NRDE2: variants seen among roughly 807,000 people sequenced by gnomAD.
NRDE2 encodes nuclear exosome regulator NRDE2.
Under a neutral mutation model 124.2 loss-of-function variants are expected in NRDE2, and 76 were observed. That is an observed-to-expected ratio of 0.61 (90% CI 0.51 to 0.74). NRDE2 has a LOEUF of 0.74. NRDE2 is among the 30% of genes least tolerant of loss of function. The probability of loss-of-function intolerance (pLI) is 0.00; values close to 1 mark genes in which losing one functional copy is unlikely to be tolerated. For missense variants in NRDE2, 1,314 were observed against 1,417.3 expected, an observed-to-expected ratio of 0.93 and a Z score of 1.17; for synonymous variants, 489 against 528.1, an observed-to-expected ratio of 0.93 and a Z score of 1.01.
chr14:90,331,873 C>G lies in NRDE2; in HGVS notation c.32G>C (p.Ser11Thr). The change falls in exon 1 of 14, where the codon AGT becomes ACT. Residue 11 changes from serine (S) to threonine (T), a missense_variant. Ser to Thr is a moderately conservative substitution (Grantham distance 58). Transcript: ENST00000354366. The stretch of plus-strand genomic sequence containing the variant: ...GGAGCTCCCGCCATCGGGAGCCTCA[C>G]TAAGCCCCGCAAAGGCTGGGAACAG... MALFPAFAGL[S>T]EAPDGGSSRK... The G allele has an allele frequency of 6.2e-7, 1 of 1,614,164 alleles. No individual in the cohort carries two copies. The highest frequency in any genetic ancestry group is 8.5e-7 in the Non-Finnish European group (1 of 1,180,046).
intron 5 of NRDE2, 142 bp from the exon 6 acceptor site, chr14:90,303,267 G>A (rs1383318112): frequency 7.1e-6 from 5 of 707,034 alleles, no homozygotes; most frequent in Non-Finnish European, 1.1e-5. Flanking sequence ...AAGAAAACCT[G>A]GATCCTAAAG....
intron 3 of NRDE2, among the ~76,000 whole-genome samples, chr14:90,316,064 C>A (rs923634811): frequency 6.6e-6 from 1 of 151,422 alleles, no homozygotes; most frequent in Admixed American, 6.6e-5. Context: ...CCACTGCCTT[C>A]GACATAGTGG....
At position 90,269,743 on chromosome 14, in the gene NRDE2, T is replaced by G; in HGVS notation, c.*8593A>C. 2.0e-6 allele frequency: 1 copy of G among 497,286 alleles called. No individual in the cohort carries two copies. The highest frequency in any genetic ancestry group is 2.0e-5 in the African/African-American group (1 of 50,748). The allele number at this position is 497,286 out of a possible 1,614,324, so 30.8% of individuals were successfully genotyped here. ...TGATATGGTCTGTGCACCTTGGCCC[T>G]TTGAATTCCAGTCTTATGTCTTGTC... On this transcript the variant is annotated 3_prime_UTR_variant, in exon 14 of 14. Coordinates refer to ENST00000354366, the MANE Select transcript of NRDE2 (RefSeq NM_017970.4).
chr14:90,310,287 T>C (rs1372891675), intron 4 of NRDE2, among the ~76,000 whole-genome samples: 2 of 152,140 alleles, frequency 1.3e-5, no homozygotes, highest in Non-Finnish European at 2.9e-5. Context: ...ACATTTGAAA[T>C]GTGAAGTCAA....
chr14:90,302,634 T>C (rs989771938), intron 6 of NRDE2, 86 bp downstream of exon 6: 28 of 1,327,048 alleles, frequency 2.1e-5, no homozygotes, highest in Non-Finnish European at 2.6e-5. Flanking sequence ...TTTTCTAGAA[T>C]AAATCAAAAA....
chr14:90,329,973 A>G lies in NRDE2; in HGVS notation c.64+1868T>C, dbSNP rs921874797. The stretch of plus-strand genomic sequence containing the variant: ...TGTAATCCCAGCACTTTGGGAGGCT[A>G]TGGTGGGCGAATCACTTAAAGTTAG... On this transcript the variant is annotated intron_variant, in intron 1 of 13. Coordinates refer to ENST00000354366, the MANE Select transcript of NRDE2 (RefSeq NM_017970.4). Among the ~76,000 whole-genome samples the G allele has an allele frequency of 3.9e-4, 59 of 151,616 alleles. No individual in the cohort carries two copies. The East Asian group carries it at 5.1e-3, about 13-fold the overall frequency.
Position 90,301,328 on chromosome 14 carries a change from A to G in NRDE2, c.1456T>C (p.Ser486Pro). The G allele has an allele frequency of 6.2e-7, 1 of 1,613,802 alleles. No individual in the cohort carries two copies. Among genetic ancestry groups the G allele is most frequent in the Non-Finnish European group, 8.5e-7 (1 of 1,179,912 alleles). The stretch of plus-strand genomic sequence containing the variant: ...TGGAACAATGAGATGGCCTTCTCAG[A>G]GTGGCCAGCCTGCCGCAGAAAGTGG... ...QCHFLRQAGH[S>P]EKAISLFQAM... The change falls in exon 7 of 14, where the codon TCT becomes CCT. Residue 486 changes from serine to proline, a missense_variant. Transcript: ENST00000354366.
Position 90,288,817 on chromosome 14 carries a change from A to G in NRDE2, c.2558T>C (p.Leu853Pro). 2 of 1,614,134 alleles carry G rather than the reference A, an allele frequency of 1.2e-6. No homozygotes were observed. The highest frequency in any genetic ancestry group is 1.7e-6 in the Non-Finnish European group (2 of 1,180,030). ...GGGCCCATAGGGGCTGCTCTCAGTC[A>G]GCTTGGTTAATATGTGAACAGCTCG... Reference protein sequence around the residue: ...TARAVHILTKLTESSPYGPYT... With the variant: ...TARAVHILTKPTESSPYGPYT... The change falls in exon 11 of 14, where the codon CTG becomes CCG. Residue 853 changes from leucine to proline, a missense_variant. By Grantham distance (98) the Leu-to-Pro change is moderately conservative (BLOSUM62 -3). Transcript: ENST00000354366.
intron 1 of NRDE2, among the ~76,000 whole-genome samples, chr14:90,319,289 A>G (rs1885159860): frequency 6.6e-6 from 1 of 152,196 alleles, no homozygotes; most frequent in African/African-American, 2.4e-5. Context: ...TGAAGGTACA[A>G]AAGAGGAGGG....
At chr14:90,314,432 T>G (rs557114497) in intron 3 of NRDE2, among the ~76,000 whole-genome samples, 1 of 152,328 alleles carries the variant, frequency 6.6e-6, no homozygotes, top group Non-Finnish European at 1.5e-5. Flanking sequence ...AATAAGGATA[T>G]TCTATAAAAT....
intron 4 of NRDE2, among the ~76,000 whole-genome samples, chr14:90,310,322 C>T (rs1003501953): frequency 2.0e-5 from 3 of 152,182 alleles, no homozygotes; most frequent in African/African-American, 7.2e-5. Flanking sequence ...AAATCCCAAC[C>T]TTGCTGCTGC....
intron 4 of NRDE2, among the ~76,000 whole-genome samples, chr14:90,307,650 C>T (rs140107233): frequency 1.2e-4 from 19 of 152,158 alleles, no homozygotes; most frequent in South Asian, 8.3e-4. Context: ...CCAAGGTGGG[C>T]GGATCACAAG....
Position 90,269,301 on chromosome 14 carries a change from G to T in NRDE2, c.*9035C>A. On this transcript the variant is annotated 3_prime_UTR_variant, in exon 14 of 14. Transcript: ENST00000354366. ...CATGTGAGTTGAAACAGGAATGTTTGTTAAGGTGTTTTGTCACAATGAGGT... is the reference window on the plus strand; with the variant it reads ...CATGTGAGTTGAAACAGGAATGTTTTTTAAGGTGTTTTGTCACAATGAGGT... The T allele has an allele frequency of 9.2e-7, 1 of 1,088,650 alleles. No homozygotes were observed. The highest frequency in any genetic ancestry group is 1.3e-6 in the Non-Finnish European group (1 of 763,466). The allele number at this position is 1,088,650 out of a possible 1,614,324, so 67.4% of individuals were successfully genotyped here. A position where few individuals can be genotyped will look rare whatever the true frequency, so the allele number is the denominator to read the frequency against.
rs1885722681 is a variant in NRDE2 at position 90,331,881 on chromosome 14, C to G, written c.24G>C (p.Ala8=). 6.2e-7 allele frequency: 1 copy of G among 1,614,148 alleles called. No individual in the cohort carries two copies. Among genetic ancestry groups the G allele is most frequent in the Non-Finnish European group, 8.5e-7 (1 of 1,180,048 alleles). Reference sequence around the variant, plus strand: ...CGCCATCGGGAGCCTCACTAAGCCCCGCAAAGGCTGGGAACAGCGCCATGA... The same window carrying G: ...CGCCATCGGGAGCCTCACTAAGCCCGGCAAAGGCTGGGAACAGCGCCATGA... MALFPAF[A]GLSEAPDGGS... The change falls in exon 1 of 14, where the codon GCG becomes GCC. Residue 8 remains alanine, a synonymous_variant. Coordinates refer to ENST00000354366, the MANE Select transcript of NRDE2 (RefSeq NM_017970.4).
intron 3 of NRDE2, 122 bp from the exon 4 acceptor site, chr14:90,312,665 C>T: frequency 1.2e-6 from 1 of 867,494 alleles, no homozygotes; most frequent in Non-Finnish European, 1.9e-6. Flanking sequence ...TCAAACACAC[C>T]TAAGCACATT....
At chr14:90,288,002 G>A (rs978339035) in intron 11 of NRDE2, among the ~76,000 whole-genome samples, 4 of 152,116 alleles carry the variant, frequency 2.6e-5, no homozygotes, top group African/African-American at 9.7e-5. Context: ...ACACCCAGGC[G>A]ACAGCCACCA....
chr14:90,320,553 T>C (rs1885205956), intron 1 of NRDE2, among the ~76,000 whole-genome samples: 1 of 152,218 alleles, frequency 6.6e-6, no homozygotes, highest in Admixed American at 6.5e-5. Flanking sequence ...ATTTGCATCT[T>C]AGTATGGAGG....
At position 90,268,457 on chromosome 14, in the gene NRDE2, C is replaced by T. The variant is rs772214892; in HGVS notation, c.*9879G>A. ...ATTTTGCCTTGTTTAGTAGGGAACA[C>T]CGCATAGCTCTTCTCTTGAGAATGA... On this transcript the variant is annotated 3_prime_UTR_variant, in exon 14 of 14. Transcript: ENST00000354366. 5.1e-6 allele frequency: 8 copies of T among 1,570,954 alleles called. No individual in the cohort carries two copies. The African/African-American group carries it at 6.8e-5, about 13-fold the overall frequency.
Position 90,270,586 on chromosome 14 carries a change from T to C in NRDE2, c.*7750A>G. Reference sequence around the variant, plus strand: ...AATCACCTGGAGCCACAAGGCTGAGTCGCTGGTACTAAGCCTTAGGCCCAG... The same window carrying C: ...AATCACCTGGAGCCACAAGGCTGAGCCGCTGGTACTAAGCCTTAGGCCCAG... On this transcript the variant is annotated 3_prime_UTR_variant, in exon 14 of 14. Coordinates refer to ENST00000354366, the MANE Select transcript of NRDE2 (RefSeq NM_017970.4). The C allele has an allele frequency of 2.3e-6, 1 of 437,644 alleles. No homozygotes were observed. The highest frequency in any genetic ancestry group is 4.4e-5 in the South Asian group (1 of 22,760). The allele number at this position is 437,644 out of a possible 1,614,324, so 27.1% of individuals were successfully genotyped here.
Sources: gnomAD v4.1 joint callset for allele counts (sites outside exome capture counted in the v4.1 genomes callset) on GRCh38, gnomAD v4.1.1 for gene constraint, MANE v1.5 for transcripts, NCBI Gene and HGNC (gene_info 2026-07-23, HGNC 2026-07-21) for gene names.